SLC2A13: variants seen among roughly 807,000 people sequenced by gnomAD.
SLC2A13 encodes proton myo-inositol cotransporter.
A neutral mutation model predicts 64.4 loss-of-function variants in SLC2A13; 32 were observed. That is an observed-to-expected ratio of 0.50 (90% CI 0.37 to 0.67). SLC2A13 has a LOEUF of 0.67. SLC2A13 is among the 30% of genes least tolerant of loss of function. SLC2A13 has a pLI of 0.00. For missense variants in SLC2A13, 743 were observed against 829.2 expected (o/e 0.90, Z 1.28); for synonymous variants, 338 against 327.1 (o/e 1.03, Z -0.36).
At chr12:39,892,495 TAACCG>T (rs1324652412) in intron 4 of SLC2A13, among the ~76,000 whole-genome samples, 1 of 152,240 alleles carries the variant, frequency 6.6e-6, no homozygotes, top group Non-Finnish European at 1.5e-5. Context: ...TACTGACGCT[TAACCG>T]AACTTTAGTC....
intron 3 of SLC2A13, among the ~76,000 whole-genome samples, chr12:39,988,521 A>C (rs1947068928): frequency 6.6e-6 from 1 of 150,694 alleles, no homozygotes; most frequent in Non-Finnish European, 1.5e-5. Context: ...AATGAACGAA[A>C]GAAAGAAAGA....
chr12:40,033,447 G>T (rs985075457), intron 2 of SLC2A13, among the ~76,000 whole-genome samples: 1 of 152,212 alleles, frequency 6.6e-6, no homozygotes, highest in Non-Finnish European at 1.5e-5. Context: ...TCCTAATTGT[G>T]CCCAGCACAG....
At chr12:39,851,480 G>T (rs778017444) in intron 6 of SLC2A13, among the ~76,000 whole-genome samples, 15 of 152,124 alleles carry the variant, frequency 9.9e-5, no homozygotes, top group Non-Finnish European at 1.5e-5. Context: ...TAGTGTAAAG[G>T]TTAGTGATTT....
intron 7 of SLC2A13, among the ~76,000 whole-genome samples, chr12:39,774,733 C>A (rs1225033076): frequency 6.6e-6 from 1 of 151,850 alleles, no homozygotes; most frequent in Non-Finnish European, 1.5e-5. Flanking sequence ...GGGTAAATTT[C>A]AAAAGCCTTA....
At chr12:39,909,663 T>G (rs1945377936) in intron 4 of SLC2A13, among the ~76,000 whole-genome samples, 1 of 152,108 alleles carries the variant, frequency 6.6e-6, no homozygotes, top group South Asian at 2.1e-4. Context: ...GTCATGGTAG[T>G]CAAGGGGATC....
chr12:39,868,183 T>A (rs1412631344), intron 5 of SLC2A13, among the ~76,000 whole-genome samples: 1 of 152,212 alleles, frequency 6.6e-6, no homozygotes, highest in Non-Finnish European at 1.5e-5. Flanking sequence ...GAATTTTATC[T>A]GGTGTACTGT....
intron 7 of SLC2A13, among the ~76,000 whole-genome samples, chr12:39,796,477 A>G (rs569622478): frequency 6.6e-6 from 1 of 151,728 alleles, no homozygotes; most frequent in Admixed American, 6.6e-5. Context: ...GAGGTATAAG[A>G]CTTCTAGGCC....
intron 7 of SLC2A13, among the ~76,000 whole-genome samples, chr12:39,791,413 AG>A (rs1428124884): frequency 7.5e-5 from 3 of 39,806 alleles, no homozygotes; most frequent in African/African-American, 3.0e-4. Context: ...GTATTCAATT[AG>A]GAAAAGAGGA....
chr12:39,865,452 T>C (rs746700429), intron 5 of SLC2A13, among the ~76,000 whole-genome samples: 1 of 152,222 alleles, frequency 6.6e-6, no homozygotes, highest in Non-Finnish European at 1.5e-5. Context: ...ATATCACATA[T>C]ATTCTTTTTT....
chr12:39,988,118 T>C (rs1947061376), intron 3 of SLC2A13, among the ~76,000 whole-genome samples: 1 of 152,166 alleles, frequency 6.6e-6, no homozygotes, highest in African/African-American at 2.4e-5. Context: ...TCTTTGCATA[T>C]ATGTAGGGAC....
rs184870747 is a variant in SLC2A13, at chr12:40,010,027, G to A, written c.925+18274C>T. Among the ~76,000 whole-genome samples the A allele has an allele frequency of 6.2e-4, 95 of 152,274 alleles. 1 individual carries two copies. The highest frequency in any genetic ancestry group is 6.8e-3 in the Middle Eastern group (2 of 294). On this transcript the variant is annotated intron_variant, in intron 3 of 9. Transcript: ENST00000280871. ...TTCTTCAATTCTAAAAGAATGTGAC[G>A]TGGTAAAAATCCCAGATGCCGCTAA...
chr12:40,062,782 T>C (rs936095876), intron 1 of SLC2A13, among the ~76,000 whole-genome samples: 1 of 152,106 alleles, frequency 6.6e-6, no homozygotes, highest in East Asian at 1.9e-4. Context: ...TTAACATTAA[T>C]TATGCTCTAA....
intron 2 of SLC2A13, among the ~76,000 whole-genome samples, chr12:40,036,902 T>G (rs1947996375): frequency 1.3e-5 from 2 of 152,252 alleles, no homozygotes; most frequent in Admixed American, 1.3e-4. Context: ...GCAATTTTTT[T>G]GTGTGGATGT....
intron 7 of SLC2A13, among the ~76,000 whole-genome samples, chr12:39,825,972 GCTA>G (rs1942659614): frequency 6.6e-6 from 1 of 152,058 alleles, no homozygotes; most frequent in South Asian, 2.1e-4. Flanking sequence ...TAGTTTCCCA[GCTA>G]AACTAGAAGG....
chr12:40,080,346 G>A (rs931822370), intron 1 of SLC2A13, among the ~76,000 whole-genome samples: 1 of 152,090 alleles, frequency 6.6e-6, no homozygotes, highest in Non-Finnish European at 1.5e-5. Context: ...TATGCAACTC[G>A]TCACACTCTG....
intron 1 of SLC2A13, among the ~76,000 whole-genome samples, chr12:40,055,093 T>C (rs11564218): frequency 0.013 from 2,034 of 152,324 alleles, 129 homozygotes; most frequent in Admixed American, 0.095. Flanking sequence ...TTACATTTTT[T>C]CCAAACAGTC....
At chr12:40,018,294 A>G (rs1221036538) in intron 3 of SLC2A13, among the ~76,000 whole-genome samples, 1 of 152,204 alleles carries the variant, frequency 6.6e-6, no homozygotes, top group East Asian at 1.9e-4. Context: ...CCACTGGCCA[A>G]AAAGCCAAGT....
At chr12:39,991,344 G>A (rs139139469) in intron 3 of SLC2A13, among the ~76,000 whole-genome samples, 1 of 152,192 alleles carries the variant, frequency 6.6e-6, no homozygotes, top group Admixed American at 6.5e-5. Context: ...TAGTTTTTCA[G>A]GCCACTCCAG....
chr12:39,810,414 T>A (rs1423940986), intron 7 of SLC2A13, among the ~76,000 whole-genome samples: 2 of 152,214 alleles, frequency 1.3e-5, no homozygotes, highest in Non-Finnish European at 2.9e-5. Context: ...TCTCATAGCA[T>A]TTTATAAAAA....
Sources: allele counts gnomAD v4.1 joint callset (sites outside exome capture counted in the v4.1 genomes callset), GRCh38; gene constraint gnomAD v4.1.1; transcripts MANE v1.5; gene names NCBI Gene and HGNC (gene_info 2026-07-23, HGNC 2026-07-21).